The following DGKI variants were observed in gnomAD, a reference collection of about 807,000 sequenced individuals.
DGKI encodes the protein diacylglycerol kinase iota.
A neutral mutation model predicts 147.5 loss-of-function variants in DGKI; 55 were observed. The ratio of observed to expected loss-of-function variants is 0.37; its 90% CI spans 0.30 to 0.47. DGKI has a LOEUF of 0.47. DGKI is among the 20% of genes least tolerant of loss of function. DGKI has a pLI of 1.00. For missense variants in DGKI, 1,007 were observed against 1,323.8 expected, an observed-to-expected ratio of 0.76 and a Z score of 3.71; for synonymous variants, 469 against 477.1, an observed-to-expected ratio of 0.98 and a Z score of 0.22.
At chr7:137,585,108 T>C (rs921167683) in intron 14 of DGKI, 101 bp downstream of exon 14, 4 of 1,339,258 alleles carry the variant, frequency 3.0e-6, no homozygotes, top group Non-Finnish European at 4.2e-6. Flanking sequence ...CATTATCTCA[T>C]AGGAATTCAT....
At chr7:137,441,420 CAA>C (rs538892825) in intron 28 of DGKI, among the ~76,000 whole-genome samples, 3,116 of 67,422 alleles carry the variant, frequency 0.046, 74 homozygotes, top group African/African-American at 0.15. Context: ...GACTCCGTCT[CAA>C]AAAAAAAAAA....
intron 1 of DGKI, among the ~76,000 whole-genome samples, chr7:137,769,814 C>T (rs1796129182): frequency 6.6e-6 from 1 of 152,124 alleles, no homozygotes. Flanking sequence ...GTTAAAAAGT[C>T]AGGAAACAAT....
At chr7:137,800,776 T>G (rs559635281) in intron 1 of DGKI, among the ~76,000 whole-genome samples, 1 of 152,264 alleles carries the variant, frequency 6.6e-6, no homozygotes, top group African/African-American at 2.4e-5. Context: ...TATTCCTAGG[T>G]TGTGCACTTT....
At chr7:137,486,128 T>C (rs527556850) in intron 22 of DGKI, among the ~76,000 whole-genome samples, 40 of 152,250 alleles carry the variant, frequency 2.6e-4, no homozygotes, top group Admixed American at 7.9e-4. Context: ...CTTACACCTG[T>C]TTCCCACAGG....
In DGKI at chr7:137,387,533, C is replaced by T. The variant is rs1264995816; in HGVS notation, c.*3687G>A. 1 of 152,152 alleles carries T rather than the reference C, an allele frequency of 6.6e-6. No individual in the cohort carries two copies. Among genetic ancestry groups the T allele is most frequent in the African/African-American group, 2.4e-5 (1 of 41,444 alleles). 9.4% of individuals were successfully genotyped at this position (152,152 alleles called of 1,614,324 possible). ...AATATACATGAATATAGTATACATA[C>T]TTGCATGTGTATATAAATAAATGTC... is the stretch of plus-strand genomic sequence containing the variant. On this transcript the variant is annotated 3_prime_UTR_variant, in exon 33 of 33. Coordinates refer to ENST00000614521, the MANE Select transcript of DGKI (RefSeq NM_001321708.2).
chr7:137,819,537 C>G (rs1489762631), intron 1 of DGKI, among the ~76,000 whole-genome samples: 1 of 152,104 alleles, frequency 6.6e-6, no homozygotes, highest in African/African-American at 2.4e-5. Flanking sequence ...GTCTTGATCT[C>G]CTGACCTTGT....
intron 1 of DGKI, among the ~76,000 whole-genome samples, chr7:137,799,220 C>T (rs765770478): frequency 5.9e-5 from 9 of 152,044 alleles, no homozygotes; most frequent in Non-Finnish European, 1.3e-4. Flanking sequence ...ATAGATGAAC[C>T]TTGAAATTAT....
At chr7:137,656,293 G>C (rs369577586) in intron 4 of DGKI, among the ~76,000 whole-genome samples, 173 bp downstream of exon 4, 28 of 152,148 alleles carry the variant, frequency 1.8e-4, no homozygotes, top group African/African-American at 6.5e-4. Context: ...AAACAAGAGA[G>C]TGAACGACCC....
rs1037786510 is a variant in DGKI at position 137,562,940 on chromosome 7, A to G, written c.1947+8235T>C. On this transcript the variant is annotated intron_variant, in intron 19 of 32. Transcript: ENST00000614521. ...AAGGCCAGTAGAACCTTTATATCAA[A>G]ACCCAATCAAATTATGCAAGAAAAG... Among the ~76,000 whole-genome samples the G allele has an allele frequency of 4.6e-5, 7 of 152,092 alleles. 1 individual carries two copies. The highest frequency in any genetic ancestry group is 8.8e-5 in the Non-Finnish European group (6 of 67,990).
chr7:137,560,753 G>T (rs112391251), intron 19 of DGKI, among the ~76,000 whole-genome samples: 1 of 152,180 alleles, frequency 6.6e-6, no homozygotes. Flanking sequence ...AGTGGCACAG[G>T]ACTGTAAGCC....
intron 1 of DGKI, among the ~76,000 whole-genome samples, chr7:137,832,009 T>C (rs1468338248): frequency 6.6e-6 from 1 of 152,254 alleles, no homozygotes; most frequent in Non-Finnish European, 1.5e-5. Context: ...TTTGACTCCA[T>C]GTCTCAAATT....
At chr7:137,739,735 G>A (rs1795124524) in intron 1 of DGKI, among the ~76,000 whole-genome samples, 1 of 151,956 alleles carries the variant, frequency 6.6e-6, no homozygotes, top group Admixed American at 6.6e-5. Flanking sequence ...GATCCTCCCA[G>A]CAGCTTTTAT....
intron 1 of DGKI, among the ~76,000 whole-genome samples, chr7:137,733,508 T>A (rs968445947): frequency 6.6e-6 from 1 of 152,124 alleles, no homozygotes; most frequent in Non-Finnish European, 1.5e-5. Context: ...AATACTTGGA[T>A]TATTTCCACC....
At chr7:137,618,151 A>ATATACATTTTTTTTTTTT in intron 8 of DGKI, among the ~76,000 whole-genome samples, 1 of 10,450 alleles carries the variant, frequency 9.6e-5, no homozygotes, top group African/African-American at 1.3e-4. Context: ...ATATATATAT[A>ATATACATTTTTTTTTTTT]TTTTTTTTTT....
chr7:137,397,280 TTAAAA>T, intron 31 of DGKI, 92 bp downstream of exon 31: 1 of 1,199,114 alleles, frequency 8.3e-7, no homozygotes. Context: ...ATTAATTAAG[TTAAAA>T]TTACCTATGA....
chr7:137,382,499 C>A lies in DGKI; in HGVS notation c.*8721G>T, dbSNP rs1406369664. ...AGCTGACCCTACTTCCCCCAAGTTC[C>A]ACACACAATCTAATTCTTCTATGCT... On this transcript the variant is annotated 3_prime_UTR_variant, in exon 33 of 33. Coordinates refer to ENST00000614521, the MANE Select transcript of DGKI (RefSeq NM_001321708.2). The A allele has an allele frequency of 4.0e-5, 6 of 151,832 alleles. No homozygotes were observed. The highest frequency in any genetic ancestry group is 1.5e-4 in the African/African-American group (6 of 41,340). The allele number at this position is 151,832 out of a possible 1,614,324, so 9.4% of individuals were successfully genotyped here. A position where few individuals can be genotyped will look rare whatever the true frequency, so the allele number is the denominator to read the frequency against.
At chr7:137,612,885 T>A (rs1282140290) in intron 8 of DGKI, among the ~76,000 whole-genome samples, 1 of 152,168 alleles carries the variant, frequency 6.6e-6, no homozygotes, top group Non-Finnish European at 1.5e-5. Context: ...GATTTTTGCA[T>A]TCTTCTGATT....
chr7:137,659,899 C>G (rs989594055), intron 3 of DGKI, among the ~76,000 whole-genome samples: 9 of 152,198 alleles, frequency 5.9e-5, no homozygotes, highest in Admixed American at 2.0e-4. Flanking sequence ...CGCCACTGCA[C>G]TCCAGCCTGG....
At chr7:137,535,186 A>G (rs995199435) in intron 20 of DGKI, among the ~76,000 whole-genome samples, 5 of 152,082 alleles carry the variant, frequency 3.3e-5, no homozygotes, top group African/African-American at 1.2e-4. Context: ...AAAAGAACTA[A>G]CTCCTTTTGT....
Sources: allele counts gnomAD v4.1 joint callset (sites outside exome capture counted in the v4.1 genomes callset), GRCh38; gene constraint gnomAD v4.1.1; transcripts MANE v1.5; gene names NCBI Gene and HGNC (gene_info 2026-07-23, HGNC 2026-07-21).